The following ROS1 variants were observed in gnomAD, a reference collection of about 807,000 sequenced individuals.
ROS1 encodes the protein proto-oncogene tyrosine-protein kinase ROS.
ROS1 carries 263 observed loss-of-function variants against 273.5 expected under a neutral mutation model. The observed-to-expected ratio is 0.96, with a 90% confidence interval of 0.87 to 1.06. The LOEUF (loss-of-function observed/expected upper bound fraction) is 1.06, where lower values mean the gene tolerates loss of function less well. ROS1 is among the 50% of genes least tolerant of loss of function. The pLI is 0.00. For synonymous variants in ROS1, 1,008 were observed against 954.1 expected (o/e 1.06, Z -1.04); for missense variants, 2,833 against 2,751.1 (o/e 1.03, Z -0.67).
At chr6:117,365,500 G>T in intron 20 of ROS1, 81 bp downstream of exon 20, 1 of 1,194,956 alleles carries the variant, frequency 8.4e-7, no homozygotes, top group Non-Finnish European at 1.2e-6. Flanking sequence ...AAGTCAAGAT[G>T]ATACAGGTCA....
chr6:117,394,382 A>AT, intron 10 of ROS1, 36 bp from the exon 11 acceptor site: 1 of 1,452,906 alleles, frequency 6.9e-7, no homozygotes, highest in Non-Finnish European at 9.1e-7. Flanking sequence ...ACATTATTAT[A>AT]TAACAACCAG....
chr6:117,343,979 A>G, intron 28 of ROS1, 81 bp downstream of exon 28: 1 of 1,215,906 alleles, frequency 8.2e-7, no homozygotes, highest in Non-Finnish European at 1.2e-6. Context: ...AACATATAGG[A>G]AATACTTTAC....
At chr6:117,301,231 G>T in intron 42 of ROS1, 94 bp from the exon 43 acceptor site, 1 of 1,037,922 alleles carries the variant, frequency 9.6e-7, no homozygotes, top group Non-Finnish European at 1.4e-6. Context: ...AAGAATCTGA[G>T]TTATTGCCAG....
chr6:117,364,979 TA>T, intron 21 of ROS1, 80 bp downstream of exon 21: 2 of 1,374,012 alleles, frequency 1.5e-6, no homozygotes, highest in South Asian at 2.5e-5. Flanking sequence ...AAGTTATTTT[TA>T]AATATCAACT....
At chr6:117,371,215 GC>G (rs1387910397) in intron 18 of ROS1, among the ~76,000 whole-genome samples, 1 of 152,170 alleles carries the variant, frequency 6.6e-6, no homozygotes, top group Non-Finnish European at 1.5e-5. Flanking sequence ...GAAGGAAGAG[GC>G]TTGCTGCTGT....
intron 24 of ROS1, among the ~76,000 whole-genome samples, chr6:117,358,547 C>T (rs930449908): frequency 6.6e-6 from 1 of 151,918 alleles, no homozygotes; most frequent in African/African-American, 2.4e-5. Flanking sequence ...GAAACCTTCG[C>T]CTCCTGGGTT....
chr6:117,342,858 G>A (rs953753212), intron 28 of ROS1, among the ~76,000 whole-genome samples: 3 of 152,248 alleles, frequency 2.0e-5, no homozygotes, highest in Non-Finnish European at 2.9e-5. Flanking sequence ...CAAGATGGTA[G>A]AAAACATGTG....
intron 18 of ROS1, among the ~76,000 whole-genome samples, chr6:117,368,799 C>T (rs1265534067): frequency 1.4e-5 from 2 of 143,592 alleles, no homozygotes; most frequent in African/African-American, 5.2e-5. Context: ...TCTATGAAAA[C>T]TTAGTTTGCA....
rs55687640 is a variant in ROS1 at position 117,321,294 on chromosome 6, G to A, written c.5724C>T (p.Ala1908=). The change falls in exon 36 of 44, where the codon GCC becomes GCT. Residue 1908 remains alanine (A), a synonymous_variant. Transcript: ENST00000368507. ...AGCAGGCATTAGCCAGGCCTACTCC[G>A]GCTGCCAGACCTCGCAGCTCAGCCA... ...KELAELRGLA[A]GVGLANACYA... The A allele has an allele frequency of 7.0e-3, 11,294 of 1,613,684 alleles. 624 individuals are homozygous for A. The Admixed American group carries it at 0.11, about 16-fold the overall frequency.
chr6:117,317,724 AC>A (rs1213302426), intron 38 of ROS1, among the ~76,000 whole-genome samples: 4 of 152,206 alleles, frequency 2.6e-5, no homozygotes, highest in African/African-American at 9.6e-5. Flanking sequence ...ACAGCTTGAG[AC>A]CCAATCAACC....
At chr6:117,371,454 CTT>C (rs1780762804) in intron 18 of ROS1, among the ~76,000 whole-genome samples, 1 of 152,108 alleles carries the variant, frequency 6.6e-6, no homozygotes, top group African/African-American at 2.4e-5. Context: ...CCATTCCTGA[CTT>C]TGTCTTGCAG....
At chr6:117,409,708 CT>C in intron 4 of ROS1, 66 bp from the exon 5 acceptor site, 1 of 1,301,250 alleles carries the variant, frequency 7.7e-7, no homozygotes. Flanking sequence ...TAAGCTTCAA[CT>C]AAATTTTAAA....
intron 18 of ROS1, among the ~76,000 whole-genome samples, chr6:117,375,908 A>T (rs1359574015): frequency 6.6e-6 from 1 of 152,182 alleles, no homozygotes; most frequent in African/African-American, 2.4e-5. Flanking sequence ...CAACTAATAT[A>T]GACCTTGAAA....
intron 32 of ROS1, among the ~76,000 whole-genome samples, chr6:117,336,399 A>T (rs918283464): frequency 2.7e-5 from 4 of 147,698 alleles, no homozygotes; most frequent in African/African-American, 5.1e-5. Flanking sequence ...TTCAGCTCCC[A>T]CTTGTAAGTG....
At chr6:117,317,667 TC>T (rs1776013677) in intron 38 of ROS1, among the ~76,000 whole-genome samples, 1 of 152,136 alleles carries the variant, frequency 6.6e-6, no homozygotes, top group Admixed American at 6.6e-5. Context: ...TACACAGTTT[TC>T]TCAAGACATC....
intron 39 of ROS1, among the ~76,000 whole-genome samples, chr6:117,316,511 T>C (rs568865458): frequency 2.6e-5 from 4 of 152,256 alleles, no homozygotes; most frequent in Admixed American, 6.5e-5. Context: ...CCCCCAGTCC[T>C]GTCCGCCATT....
chr6:117,353,158 G>T lies in ROS1; in HGVS notation c.4135C>A (p.Leu1379Ile), dbSNP rs766583476. 14 of 1,601,376 alleles carry T rather than the reference G, an allele frequency of 8.7e-6. No homozygotes were observed. Among genetic ancestry groups the T allele is most frequent in the Admixed American group, 5.1e-5 (3 of 58,774 alleles). Reference sequence around the variant, plus strand: ...TCTCCATCCACAGTTAAGCTAACAAGGGTTTTTCCTGCTGTTAAAAACATA... The same window carrying T: ...TCTCCATCCACAGTTAAGCTAACAATGGTTTTTCCTGCTGTTAAAAACATA... Reference protein sequence around the residue: ...ITVPAMLGKTLVSLTVDGDLI... With the variant: ...ITVPAMLGKTIVSLTVDGDLI... The change falls in exon 27 of 44, where the codon CTT (leucine) becomes ATT (isoleucine). Residue 1379 changes from leucine (L) to isoleucine (I), a missense_variant. Transcript: ENST00000368507.
At position 117,321,353 on chromosome 6, in the gene ROS1, C is replaced by G. The variant is rs1582613950; in HGVS notation, c.5665G>C (p.Gly1889Arg). Residue 1889 changes from glycine to arginine, a missense_variant, in exon 36 of 44, where the codon GGG (glycine) becomes CGG (arginine). Physicochemically the swap from Gly to Arg is moderately radical, Grantham distance 125. Coordinates refer to ENST00000368507, the MANE Select transcript of ROS1 (RefSeq NM_001378902.1). ...TCTTCGTTTATAAGCACTGTCACCC[C>G]TTCCTTGGCACTTTTTTGATTCTTT... is the stretch of plus-strand genomic sequence containing the variant. ...RLKNQKSAKEGVTVLINEDKE... is the reference protein window; with the variant it reads ...RLKNQKSAKERVTVLINEDKE... The G allele has an allele frequency of 1.2e-6, 2 of 1,613,314 alleles. No individual in the cohort carries two copies. Among genetic ancestry groups the G allele is most frequent in the Non-Finnish European group, 1.7e-6 (2 of 1,179,678 alleles).
At chr6:117,314,994 G>C (rs954964643) in intron 39 of ROS1, among the ~76,000 whole-genome samples, 2 of 152,122 alleles carry the variant, frequency 1.3e-5, no homozygotes, top group South Asian at 4.1e-4. Flanking sequence ...GAACAAGGAA[G>C]CCAAGACAAT....
Sources: gnomAD v4.1 joint callset for allele counts (sites outside exome capture counted in the v4.1 genomes callset) on GRCh38, gnomAD v4.1.1 for gene constraint, MANE v1.5 for transcripts, NCBI Gene and HGNC (gene_info 2026-07-23, HGNC 2026-07-21) for gene names.